PHACTR1: variants seen among roughly 807,000 people sequenced by gnomAD.
PHACTR1 encodes the protein RPEL repeat containing 1.
In PHACTR1, 16 loss-of-function variants were observed where a neutral mutation model predicts 69.2. The ratio of observed to expected loss-of-function variants is 0.23; its 90% confidence interval spans 0.16 to 0.35. The LOEUF is 0.35. Ranked by LOEUF, PHACTR1 falls within the 10% of genes least tolerant of loss-of-function variation. PHACTR1 has a pLI of 1.00. For missense variants in PHACTR1, 510 were observed against 734.7 expected (o/e 0.69, Z 3.54); for synonymous variants, 312 against 284.5 (o/e 1.10, Z -0.97).
At chr6:13,220,478 GCCTAA>G (rs1312443802) in intron 8 of PHACTR1, among the ~76,000 whole-genome samples, 2 of 152,156 alleles carry the variant, frequency 1.3e-5, no homozygotes, top group African/African-American at 2.4e-5. Context: ...TTACAAAGCA[GCCTAA>G]CTTTGGACAG....
chr6:12,817,947 C>T (rs1775776452), intron 4 of PHACTR1, among the ~76,000 whole-genome samples: 1 of 152,036 alleles, frequency 6.6e-6, no homozygotes, highest in African/African-American at 2.4e-5. Flanking sequence ...CCTCAGCCTC[C>T]CGAGTAGCTG....
chr6:13,123,222 C>T (rs1209254565), intron 5 of PHACTR1, among the ~76,000 whole-genome samples: 2 of 152,310 alleles, frequency 1.3e-5, no homozygotes, highest in African/African-American at 2.4e-5. Context: ...AGGAGAGAAT[C>T]GCATTGCCTT....
At chr6:13,077,270 G>C (rs185259316) in intron 5 of PHACTR1, among the ~76,000 whole-genome samples, 1 of 151,524 alleles carries the variant, frequency 6.6e-6, no homozygotes, top group Non-Finnish European at 1.5e-5. Context: ...GAGGTATTAT[G>C]TACTCCCATC....
At chr6:12,925,817 A>G (rs998238747) in intron 4 of PHACTR1, among the ~76,000 whole-genome samples, 1 of 152,160 alleles carries the variant, frequency 6.6e-6, no homozygotes, top group Non-Finnish European at 1.5e-5. Context: ...CCCCAAAAGC[A>G]GTCTCCCATT....
intron 3 of PHACTR1, among the ~76,000 whole-genome samples, chr6:12,742,492 T>A (rs946296919): frequency 6.6e-6 from 1 of 152,152 alleles, no homozygotes; most frequent in African/African-American, 2.4e-5. Context: ...ACCTGTTTTA[T>A]CAGCAAGGTC....
intron 4 of PHACTR1, among the ~76,000 whole-genome samples, chr6:12,802,546 T>C (rs1464343955): frequency 2.0e-5 from 3 of 152,192 alleles, no homozygotes; most frequent in Non-Finnish European, 2.9e-5. Context: ...GTGGAATGTA[T>C]TTTCTTTATT....
At chr6:13,173,567 A>G (rs545776606) in intron 6 of PHACTR1, among the ~76,000 whole-genome samples, 2 of 152,318 alleles carry the variant, frequency 1.3e-5, no homozygotes, top group East Asian at 1.9e-4. Context: ...ATAAATTATT[A>G]CTTAGTTAAC....
At chr6:13,285,965 G>A (rs1190834700) in intron 13 of PHACTR1, among the ~76,000 whole-genome samples, 181 bp from the exon 14 acceptor site, 1 of 152,192 alleles carries the variant, frequency 6.6e-6, no homozygotes, top group Non-Finnish European at 1.5e-5. Context: ...TTTAGGGAAG[G>A]AGGGGAATCT....
Position 13,208,631 on chromosome 6 carries a change from A to T in PHACTR1, c.986+2495A>T, listed in dbSNP as rs1781696. Among the ~76,000 whole-genome samples the T allele has an allele frequency of 1.3e-3, 173 of 137,148 alleles. 1 individual carries two copies. The highest frequency in any genetic ancestry group is 0.012 in the Middle Eastern group (3 of 248). 90.0% of individuals were successfully genotyped at this position (137,148 alleles called of 152,430 possible). On this transcript the variant is annotated intron_variant, in intron 8 of 14. Transcript: ENST00000332995. ...GTAGCAGCCAACGTCATTGCTGCCC[A>T]CCCCCCCAACCCCATGTCTACATGC...
intron 5 of PHACTR1, 92 bp downstream of exon 5, chr6:13,053,621 A>C (rs1806325651): frequency 5.0e-6 from 7 of 1,408,192 alleles, no homozygotes; most frequent in Non-Finnish European, 6.7e-6. Context: ...GGCTGTTTGA[A>C]CCAAAGGAGA....
At chr6:12,936,301 G>C (rs939234417) in intron 4 of PHACTR1, among the ~76,000 whole-genome samples, 3 of 152,066 alleles carry the variant, frequency 2.0e-5, no homozygotes, top group African/African-American at 7.2e-5. Context: ...ATCTATACCA[G>C]TATAATAATA....
rs1220429062 is a variant in PHACTR1 at position 13,060,613 on chromosome 6, GAGGGA to G, written c.415+7087_415+7091del. ...AAAGGAATGAACTCTACTGCAATCA[GAGGGA>G]AGCTGCAGCAGTAGACAGAATAATA... On this transcript the variant is annotated intron_variant, in intron 5 of 14. Coordinates refer to ENST00000332995, the MANE Select transcript of PHACTR1 (RefSeq NM_030948.6). Among the ~76,000 whole-genome samples the G allele has an allele frequency of 4.1e-4, 63 of 152,304 alleles. No individual in the cohort carries two copies. The South Asian group carries it at 6.4e-3, about 16-fold the overall frequency.
At chr6:13,011,203 G>T (rs1366662778) in intron 4 of PHACTR1, among the ~76,000 whole-genome samples, 1 of 152,220 alleles carries the variant, frequency 6.6e-6, no homozygotes, top group Non-Finnish European at 1.5e-5. Context: ...TCTATAATCT[G>T]CCTTACCCAA....
At chr6:13,185,801 T>C (rs1322839458) in intron 7 of PHACTR1, among the ~76,000 whole-genome samples, 1 of 152,202 alleles carries the variant, frequency 6.6e-6, no homozygotes, top group Non-Finnish European at 1.5e-5. Context: ...TTTTGACAAA[T>C]AATACCTAGG....
intron 4 of PHACTR1, among the ~76,000 whole-genome samples, chr6:12,794,780 A>G (rs1231448378): frequency 6.6e-6 from 1 of 152,202 alleles, no homozygotes; most frequent in African/African-American, 2.4e-5. Context: ...GGTGGCTGCC[A>G]TATTGCTCAG....
chr6:12,754,464 G>A (rs1189644727), intron 4 of PHACTR1, among the ~76,000 whole-genome samples: 1 of 152,146 alleles, frequency 6.6e-6, no homozygotes, highest in Non-Finnish European at 1.5e-5. Flanking sequence ...AAACTCTTAA[G>A]TATTGCTTCC....
chr6:13,078,663 A>G (rs1368396125), intron 5 of PHACTR1, among the ~76,000 whole-genome samples: 1 of 152,214 alleles, frequency 6.6e-6, no homozygotes, highest in Non-Finnish European at 1.5e-5. Flanking sequence ...CCAGACTGGC[A>G]GATACATTTA....
chr6:12,906,207 C>T (rs1658761726), intron 4 of PHACTR1, among the ~76,000 whole-genome samples: 2 of 152,188 alleles, frequency 1.3e-5, no homozygotes, highest in South Asian at 4.1e-4. Flanking sequence ...ACTTCTTATG[C>T]TCAGTGGCAT....
intron 7 of PHACTR1, 114 bp from the exon 8 acceptor site, chr6:13,205,701 T>C: frequency 9.9e-7 from 1 of 1,007,962 alleles, no homozygotes; most frequent in Non-Finnish European, 1.4e-6. Flanking sequence ...TGACGCATTT[T>C]ACCTAAGAGG....
Sources: gnomAD v4.1 joint callset for allele counts (sites outside exome capture counted in the v4.1 genomes callset) on GRCh38, gnomAD v4.1.1 for gene constraint, MANE v1.5 for transcripts, NCBI Gene and HGNC (gene_info 2026-07-23, HGNC 2026-07-21) for gene names.